Variants in SYNE1 observed in about 807,000 individuals in gnomAD.
SYNE1 encodes nesprin-1.
In SYNE1, 616 loss-of-function variants were observed where a neutral mutation model predicts 1,111.0. That is an observed-to-expected ratio of 0.55 (90% CI 0.52 to 0.59). SYNE1 has a LOEUF of 0.59. Among genes scored for constraint, SYNE1 ranks in the 20% least tolerant of loss-of-function variants. The pLI is 0.00. For synonymous variants in SYNE1, 3,855 were observed against 3,825.8 expected, an observed-to-expected ratio of 1.01 and a Z score of -0.28; for missense variants, 10,006 against 10,417.0, an observed-to-expected ratio of 0.96 and a Z score of 1.72.
intron 124 of SYNE1, 75 bp from the exon 125 acceptor site, chr6:152,208,281 A>G: frequency 1.5e-6 from 2 of 1,293,708 alleles, no homozygotes; most frequent in East Asian, 2.3e-5. Context: ...CAATGTATAC[A>G]CTGTCAACAA....
chr6:152,366,976 G>C (rs1340981654), intron 62 of SYNE1: 1 of 676,942 alleles, frequency 1.5e-6, no homozygotes, highest in African/African-American at 1.8e-5. Context: ...CTCTTAACAA[G>C]TGATCACACA....
chr6:152,330,828 TAGA>T lies in SYNE1; in HGVS notation c.13854_13856del (p.Leu4620del), dbSNP rs1085307610. 6.2e-6 allele frequency: 10 copies of T among 1,613,926 alleles called. No homozygotes were observed. Among genetic ancestry groups the T allele is most frequent in the Non-Finnish European group, 8.5e-6 (10 of 1,180,034 alleles). On this transcript the variant is annotated inframe_deletion, in exon 78 of 146. Coordinates refer to ENST00000367255, the MANE Select transcript of SYNE1 (RefSeq NM_182961.4). ...TCTGCCCAGTTCTCTGCAGCGTAAGTAGAAGATTTTCATATTCTGGAGATTGTT... is the reference window on the plus strand; with the variant it reads ...TCTGCCCAGTTCTCTGCAGCGTAAGTAGATTTTCATATTCTGGAGATTGTT...
chr6:152,352,398 T>C (rs377604176), intron 69 of SYNE1, 45 bp from the exon 70 acceptor site: 8 of 1,544,008 alleles, frequency 5.2e-6, no homozygotes, highest in Non-Finnish European at 7.0e-6. Context: ...TTGTTTCTTT[T>C]CTTTTCTTTC....
intron 127 of SYNE1, among the ~76,000 whole-genome samples, chr6:152,190,371 T>C (rs2071891114): frequency 6.6e-6 from 1 of 152,238 alleles, no homozygotes; most frequent in Non-Finnish European, 1.5e-5. Context: ...ACAGCTGGAA[T>C]CAACTTCTTC....
chr6:152,538,016 C>T (rs576227026), intron 4 of SYNE1, among the ~76,000 whole-genome samples: 1 of 152,256 alleles, frequency 6.6e-6, no homozygotes, highest in South Asian at 2.1e-4. Context: ...TGCAAGGAAA[C>T]ATCAAACATG....
At chr6:152,146,381 T>C (rs1185238301) in intron 137 of SYNE1, 1 of 152,202 alleles carries the variant, frequency 6.6e-6, no homozygotes, top group African/African-American at 2.4e-5. Flanking sequence ...GATTATAACA[T>C]GTAATCAATA....
In SYNE1 at chr6:152,350,204, G is replaced by C. The variant is rs1021545190; in HGVS notation, c.11865C>G (p.Ser3955Arg). The change falls in exon 72 of 146, where the codon AGC (serine) becomes AGG (arginine). Residue 3955 changes from serine (S) to arginine (R), a missense_variant. By Grantham distance (110) the Ser-to-Arg change is moderately radical. Around this residue, in one of 7 missense-constraint regions of SYNE1, gnomAD observed 4,955 missense variants for 5,017.2 expected, o/e 0.99. Transcript: ENST00000367255. ...LVAPDLLETS[S>R]LETITQQLAH... ...CCAATTGCTGGGTGATTGTCTCCAGGCTGCTTGTCTCCAGGAGGTCAGGTG... is the reference window on the plus strand; with the variant it reads ...CCAATTGCTGGGTGATTGTCTCCAGCCTGCTTGTCTCCAGGAGGTCAGGTG... The C allele has an allele frequency of 1.2e-6, 2 of 1,613,658 alleles. No homozygotes were observed. The highest frequency in any genetic ancestry group is 1.7e-5 in the Admixed American group (1 of 59,992).
chr6:152,141,178 C>G, intron 139 of SYNE1, 25 bp downstream of exon 139: 2 of 1,614,030 alleles, frequency 1.2e-6, no homozygotes, highest in Non-Finnish European at 1.7e-6. Flanking sequence ...TTCATTCACT[C>G]TTGAACTGGA....
rs1588939945 is a variant in SYNE1 at position 152,260,093 on chromosome 6, T to C, written c.18972+1939A>G. Reference sequence around the variant, plus strand: ...TAATGGATGAGACCTCCAGGAGGTCTGCAGATGCCGGACGAATCACACAGG... The same window carrying C: ...TAATGGATGAGACCTCCAGGAGGTCCGCAGATGCCGGACGAATCACACAGG... On this transcript the variant is annotated intron_variant, in intron 101 of 145. Coordinates refer to ENST00000367255, the MANE Select transcript of SYNE1 (RefSeq NM_182961.4). Among the ~76,000 whole-genome samples, 5 of 152,304 alleles carry C rather than the reference T, an allele frequency of 3.3e-5. No homozygotes were observed. In the South Asian group the frequency reaches 8.3e-4, roughly 25 times the overall value.
chr6:152,151,179 G>A lies in SYNE1; in HGVS notation c.24450+374C>T, dbSNP rs568564881. Among the ~76,000 whole-genome samples, 31 of 150,842 alleles carry A rather than the reference G, an allele frequency of 2.1e-4. No individual in the cohort carries two copies. The East Asian group carries it at 5.7e-3, about 28-fold the overall frequency. ...GGAGGTTGCAGTGAGCCAAGATTGC[G>A]CCACTGCACTTCAGCCTGGGCGACA... On this transcript the variant is annotated intron_variant, in intron 135 of 145. Transcript: ENST00000367255.
At chr6:152,348,893 A>G (rs1430400580) in intron 72 of SYNE1, among the ~76,000 whole-genome samples, 2 of 152,072 alleles carry the variant, frequency 1.3e-5, no homozygotes, top group Non-Finnish European at 2.9e-5. Flanking sequence ...GCTAGCAGTT[A>G]TCATATATGC....
chr6:152,349,011 C>T (rs2096693219), intron 72 of SYNE1, among the ~76,000 whole-genome samples: 1 of 152,308 alleles, frequency 6.6e-6, no homozygotes, highest in East Asian at 1.9e-4. Context: ...CAGTGCCTAC[C>T]AGAAGGTATT....
At position 152,601,415 on chromosome 6, in the gene SYNE1, G is replaced by A. The variant is rs552306671; in HGVS notation, c.67+26850C>T. On this transcript the variant is annotated intron_variant, in intron 3 of 145. Transcript: ENST00000367255. ...ACCAAAGAAGAAGGAACAATAGGCT[G>A]AGGTTGACATTTAATTGGCAATGCC... 2.0e-5 allele frequency among the ~76,000 whole-genome samples: 3 copies of A among 152,296 alleles called. No homozygotes were observed. In the South Asian group the frequency reaches 6.2e-4, roughly 32 times the overall value.
At chr6:152,202,766 T>C (rs1182766097) in intron 126 of SYNE1, among the ~76,000 whole-genome samples, 2 of 151,688 alleles carry the variant, frequency 1.3e-5, no homozygotes, top group South Asian at 2.1e-4. Context: ...AAATGTACTA[T>C]AAGGGATTTA....
chr6:152,211,327 C>T (rs2077486951), intron 124 of SYNE1, among the ~76,000 whole-genome samples, 167 bp downstream of exon 124: 1 of 152,142 alleles, frequency 6.6e-6, no homozygotes, highest in South Asian at 2.1e-4. Context: ...AGATTCAATA[C>T]TCATTCATTT....
At chr6:152,536,060 A>G (rs1040440772) in intron 4 of SYNE1, among the ~76,000 whole-genome samples, 4 of 151,662 alleles carry the variant, frequency 2.6e-5, no homozygotes, top group Non-Finnish European at 4.4e-5. Context: ...AGCCACACCC[A>G]CTTTCCTATT....
At chr6:152,630,381 C>A (rs1406179946) in intron 2 of SYNE1, among the ~76,000 whole-genome samples, 1 of 152,112 alleles carries the variant, frequency 6.6e-6, no homozygotes, top group Non-Finnish European at 1.5e-5. Flanking sequence ...GGGTGACTCT[C>A]CAAGGGATTC....
At chr6:152,266,643 C>G (rs1399398665) in intron 100 of SYNE1, among the ~76,000 whole-genome samples, 1 of 152,130 alleles carries the variant, frequency 6.6e-6, no homozygotes, top group African/African-American at 2.4e-5. Flanking sequence ...ACTATTCATT[C>G]CTATTCTTTT....
chr6:152,187,799 C>T (rs2070657495), intron 128 of SYNE1, among the ~76,000 whole-genome samples: 1 of 152,112 alleles, frequency 6.6e-6, no homozygotes, highest in African/African-American at 2.4e-5. Context: ...GATCTCAGCT[C>T]ACTGCAACCT....
Sources: gnomAD v4.1 joint callset for allele counts (sites outside exome capture counted in the v4.1 genomes callset) on GRCh38, gnomAD v4.1.1 for gene constraint, gnomAD v4.1.1 regional missense constraint, MANE v1.5 for transcripts, NCBI Gene and HGNC (gene_info 2026-07-23, HGNC 2026-07-21) for gene names.